TMEM150B: variants seen among roughly 807,000 people sequenced by gnomAD.
TMEM150B encodes the protein modulator of macroautophagy TMEM150B.
In TMEM150B, 33 loss-of-function variants were observed where a neutral mutation model predicts 25.2. The observed-to-expected ratio is 1.31, with a 90% CI of 0.99 to 1.75. The LOEUF is 1.75. Among genes scored for constraint, TMEM150B ranks in the 40% most tolerant of loss-of-function variants. TMEM150B has a pLI of 0.00. For synonymous variants in TMEM150B, 133 were observed against 134.8 expected (o/e 0.99, Z 0.09); for missense variants, 322 against 306.1 (o/e 1.05, Z -0.39).
intron 7 of TMEM150B, among the ~76,000 whole-genome samples, chr19:55,313,477 C>A (rs10084123): frequency 0.011 from 1,712 of 152,216 alleles, 41 homozygotes; most frequent in African/African-American, 0.04. Context: ...TCCTGAACAT[C>A]CACCCCGCTA....
At position 55,319,753 on chromosome 19, in the gene TMEM150B, T is replaced by C. The variant is rs1600226775; in HGVS notation, c.324+286A>G. On this transcript the variant is annotated intron_variant, in intron 6 of 7. Coordinates refer to ENST00000326652, the MANE Select transcript of TMEM150B (RefSeq NM_001282011.2). ...GCATGAGCCACTGCGCCTGGACCAG[T>C]AATTTCATCATTAAATAAGCTGGGG... 5 of 1,236,340 alleles carry C rather than the reference T, an allele frequency of 4.0e-6. No individual in the cohort carries two copies. The East Asian group carries it at 2.2e-4, about 54-fold the overall frequency. The allele number at this position is 1,236,340 out of a possible 1,614,324, so 76.6% of individuals were successfully genotyped here.
At chr19:55,312,269 C>T, downstream of TMEM150B, 2 of 303,064 alleles carry the variant, frequency 6.6e-6, no homozygotes, top group Non-Finnish European at 1.2e-5. Flanking sequence ...GGAGCTGTTT[C>T]TATTTTATTT....
chr19:55,319,873 AG>A, intron 6 of TMEM150B, 165 bp downstream of exon 6: 1 of 1,438,888 alleles, frequency 6.9e-7, no homozygotes, highest in Non-Finnish European at 9.1e-7. Flanking sequence ...CAGAGAGCAA[AG>A]GAATCCAGCC....
intron 1 of TMEM150B, among the ~76,000 whole-genome samples, chr19:55,323,441 GAA>G (rs146272852): frequency 7.0e-6 from 1 of 143,168 alleles, no homozygotes; most frequent in Non-Finnish European, 1.5e-5. Flanking sequence ...TCAGAAAAAA[GAA>G]AAAAAAAATG....
chr19:55,322,164 C>A (rs1311409526), intron 2 of TMEM150B, among the ~76,000 whole-genome samples: 1 of 152,166 alleles, frequency 6.6e-6, no homozygotes. Context: ...GGAGTCCAGT[C>A]CCTCAGCCCC....
rs570783987 is a variant in TMEM150B at position 55,324,607 on chromosome 19, C to T, written c.-154+665G>A. 2,170 of 627,168 alleles carry T rather than the reference C, an allele frequency of 3.5e-3. 8 individuals are homozygous for T. The highest frequency in any genetic ancestry group is 4.1e-3 in the Non-Finnish European group (2,074 of 503,042). The allele number at this position is 627,168 out of a possible 1,614,324, so 38.9% of individuals were successfully genotyped here. A position where few individuals can be genotyped will look rare whatever the true frequency, so the allele number is the denominator to read the frequency against. On this transcript the variant is annotated intron_variant, in intron 1 of 7. Coordinates refer to ENST00000326652, the MANE Select transcript of TMEM150B (RefSeq NM_001282011.2). ...AGGTTGCAGTGAGCCGAGATCGCAC[C>T]ACTGCATTCCAGCCTGGGCGACAGA...
Position 55,316,912 on chromosome 19 carries a change from C to T in TMEM150B, c.379G>A (p.Gly127Ser), listed in dbSNP as rs752081307. 5.0e-6 allele frequency: 8 copies of T among 1,607,702 alleles called. No individual in the cohort carries two copies. The highest frequency in any genetic ancestry group is 5.9e-6 in the Non-Finnish European group (7 of 1,177,908). Residue 127 changes from glycine (G) to serine (S), a missense_variant, in exon 7 of 8, where the codon GGT becomes AGT. Coordinates refer to ENST00000326652, the MANE Select transcript of TMEM150B (RefSeq NM_001282011.2). ...LAGAFLAFIL[G>S]NVYFWLQLLL... is the part of the protein sequence containing the mutation. ...AGCTGCAGCCAGAAGTAGACGTTAC[C>T]CAAGATGAAGGCAAGGAAGGCCCCT...
chr19:55,309,463 A>G (rs1393420969), downstream of TMEM150B, among the ~76,000 whole-genome samples: 1 of 152,214 alleles, frequency 6.6e-6, no homozygotes, highest in Admixed American at 6.5e-5. Flanking sequence ...ACAGAAATTT[A>G]TTGCTGACAA....
intron 1 of TMEM150B, chr19:55,324,633 G>C: frequency 1.2e-6 from 1 of 834,332 alleles, no homozygotes; most frequent in Non-Finnish European, 1.4e-6. Context: ...GGGCGACAGA[G>C]TGAGACTCCG....
downstream of TMEM150B, chr19:55,312,562 A>AT (rs2088832939): frequency 8.2e-6 from 2 of 245,194 alleles, no homozygotes; most frequent in Non-Finnish European, 1.5e-5. Flanking sequence ...AAAAAAAAAA[A>AT]GATAATAATA....
chr19:55,312,864 GC>G lies in TMEM150B; in HGVS notation c.696del (p.Gln232HisfsTer?). The G allele has an allele frequency of 6.3e-7, 1 of 1,587,644 alleles. No individual in the cohort carries two copies. The highest frequency in any genetic ancestry group is 8.6e-7 in the Non-Finnish European group (1 of 1,168,250). ...PPASPISLPVQL is the reference protein window; with the variant it reads ...PPASPISLPVXL Reference sequence around the variant, plus strand: ...GGCCCGGGTCAGGGTGCCTGCTACAGCTGGACCGGCAGGGAGATGGGGGAGG... The same window carrying G: ...GGCCCGGGTCAGGGTGCCTGCTACAGTGGACCGGCAGGGAGATGGGGGAGG... On this transcript the variant is annotated frameshift_variant, in exon 8 of 8. Coordinates refer to ENST00000326652, the MANE Select transcript of TMEM150B (RefSeq NM_001282011.2). LOFTEE classifies it high-confidence loss of function.
chr19:55,318,500 G>T (rs1003335469), intron 6 of TMEM150B, among the ~76,000 whole-genome samples: 2 of 152,040 alleles, frequency 1.3e-5, no homozygotes, highest in African/African-American at 4.8e-5. Flanking sequence ...GCCAGGCCTG[G>T]TGGCAGGTGC....
chr19:55,325,146 G>T, intron 1 of TMEM150B, 126 bp downstream of exon 1: 1 of 404,326 alleles, frequency 2.5e-6, no homozygotes, highest in Non-Finnish European at 3.3e-6. Flanking sequence ...CTGGCACAAA[G>T]ATGAGTTTGG....
At chr19:55,324,826 A>G (rs2089293976) in intron 1 of TMEM150B, 1 of 985,294 alleles carries the variant, frequency 1.0e-6, no homozygotes, top group South Asian at 4.7e-5. Flanking sequence ...TTGCCCAGAC[A>G]TGAATCTGAG....
chr19:55,311,089 G>A (rs2088781600), downstream of TMEM150B, among the ~76,000 whole-genome samples: 1 of 152,110 alleles, frequency 6.6e-6, no homozygotes, highest in South Asian at 2.1e-4. Flanking sequence ...AGCCTGTCGA[G>A]TAGCTGGGAT....
In TMEM150B at chr19:55,320,408, T is replaced by C. The variant is rs1189225438; in HGVS notation, c.179A>G (p.Asn60Ser). The change falls in exon 5 of 8, where the codon AAT becomes AGT. Residue 60 changes from asparagine (N) to serine (S), a missense_variant. Asn to Ser is a conservative substitution (Grantham distance 46). Coordinates refer to ENST00000326652, the MANE Select transcript of TMEM150B (RefSeq NM_001282011.2). ...ATATTTACCCAGAGCAGCTCCCATA[T>C]TGAGCACCTGGCTGAAGATGCAGCT... ...PQSCIFSQVL[N>S]MGAALAAWIC... 1 of 1,571,130 alleles carries C rather than the reference T, an allele frequency of 6.4e-7. No homozygotes were observed. Among genetic ancestry groups the C allele is most frequent in the Admixed American group, 1.8e-5 (1 of 55,148 alleles).
chr19:55,313,617 C>T (rs1490853959), intron 7 of TMEM150B, among the ~76,000 whole-genome samples: 4 of 152,264 alleles, frequency 2.6e-5, no homozygotes, highest in African/African-American at 9.6e-5. Context: ...AGACACTCCC[C>T]CGGCCCTCTC....
At position 55,313,068 on chromosome 19, in the gene TMEM150B, C is replaced by T. The variant is rs768540896; in HGVS notation, c.506-13G>A. The stretch of plus-strand genomic sequence containing the variant: ...TGGAGGACGATCACTGCCCCAGGGT[C>T]AAGGGCCACACTGCTACCGTGACAG... On this transcript the variant is annotated splice_polypyrimidine_tract_variant and intron_variant, in intron 7 of 7. Coordinates refer to ENST00000326652, the MANE Select transcript of TMEM150B (RefSeq NM_001282011.2). 6.2e-7 allele frequency: 1 copy of T among 1,603,042 alleles called. No homozygotes were observed. Among genetic ancestry groups the T allele is most frequent in the East Asian group, 2.2e-5 (1 of 44,526 alleles).
downstream of TMEM150B, chr19:55,311,806 G>T: frequency 2.5e-6 from 3 of 1,221,106 alleles, no homozygotes; most frequent in South Asian, 4.3e-5. Context: ...AGAGCCTCGG[G>T]GTTACTGAGA....
Sources: gnomAD v4.1 joint callset for allele counts (sites outside exome capture counted in the v4.1 genomes callset) on GRCh38, gnomAD v4.1.1 for gene constraint, MANE v1.5 for transcripts, NCBI Gene and HGNC (gene_info 2026-07-23, HGNC 2026-07-21) for gene names.